ADNP2: variants seen among roughly 807,000 people sequenced by gnomAD.
ADNP2 encodes activity-dependent neuroprotector homeobox protein 2.
ADNP2 carries 8 observed loss-of-function variants against 16.4 expected under a neutral mutation model. That is an observed-to-expected ratio of 0.49 (90% CI 0.29 to 0.88). The LOEUF (loss-of-function observed/expected upper bound fraction) is 0.88. Ranked by LOEUF, ADNP2 falls within the 40% of genes least tolerant of loss-of-function variation. ADNP2 has a pLI of 0.09. For missense variants in ADNP2, 1,397 were observed against 1,395.1 expected (o/e 1.00, Z -0.02); for synonymous variants, 637 against 545.8 (o/e 1.17, Z -2.33).
rs376361164 is a variant in ADNP2 at position 80,136,747 on chromosome 18, C to T, written c.1334C>T (p.Pro445Leu). 1.2e-4 allele frequency: 201 copies of T among 1,613,510 alleles called. No individual in the cohort carries two copies. The highest frequency in any genetic ancestry group is 1.6e-4 in the Non-Finnish European group (184 of 1,179,812). ...PGVLSVSRAV[P>L]SGVLPAGQMT... ...GTGCTTTCTGTGAGTCGGGCGGTCC[C>T]GTCTGGAGTCCTTCCTGCAGGCCAG... The change falls in exon 4 of 4, where the codon CCG becomes CTG. Residue 445 changes from proline to leucine, a missense_variant. Around this residue, in one of 3 missense-constraint regions of ADNP2, gnomAD observed 777 missense variants for 719.4 expected, o/e 1.08. Transcript: ENST00000262198.
chr18:80,137,492 G>T lies in ADNP2; in HGVS notation c.2079G>T (p.Trp693Cys). The T allele has an allele frequency of 6.2e-7, 1 of 1,614,226 alleles. No homozygotes were observed. The highest frequency in any genetic ancestry group is 8.5e-7 in the Non-Finnish European group (1 of 1,180,050). The change falls in exon 4 of 4, where the codon TGG (tryptophan) becomes TGT (cysteine). Residue 693 changes from tryptophan (W) to cysteine (C), a missense_variant. Coordinates refer to ENST00000262198, the MANE Select transcript of ADNP2 (RefSeq NM_014913.4). The surrounding 1 kb of genome is among the most constrained non-coding windows in gnomAD (Gnocchi z 4.2). The stretch of plus-strand genomic sequence containing the variant: ...AGGTGCTCAAACAGGCCAAGCAGTG[G>T]AAGACCTGCCCTGTCTGCAACGAGC... ...TNQVLKQAKQWKTCPVCNELF... is the reference protein window; with the variant it reads ...TNQVLKQAKQCKTCPVCNELF...
Position 80,116,217 on chromosome 18 carries a change from C to A in ADNP2, c.-13-1313C>A, listed in dbSNP as rs147789990. Among the ~76,000 whole-genome samples the A allele has an allele frequency of 4.9e-3, 751 of 152,280 alleles. 5 individuals are homozygous for A. The highest frequency in any genetic ancestry group is 6.5e-3 in the Non-Finnish European group (443 of 68,014). ...TGTATGTATTTCATTTCTTTTATGGCCAAATAATCTATTGTATGGATATGT... is the reference window on the plus strand; with the variant it reads ...TGTATGTATTTCATTTCTTTTATGGACAAATAATCTATTGTATGGATATGT... On this transcript the variant is annotated intron_variant, in intron 1 of 3. Coordinates refer to ENST00000262198, the MANE Select transcript of ADNP2 (RefSeq NM_014913.4).
At chr18:80,134,121 TC>T (rs2145211832) in intron 3 of ADNP2, among the ~76,000 whole-genome samples, 1 of 152,334 alleles carries the variant, frequency 6.6e-6, no homozygotes, top group South Asian at 2.1e-4. Flanking sequence ...TTAGTTCTCC[TC>T]CACCTGAGCA....
chr18:80,130,660 C>G lies in ADNP2; in HGVS notation c.109-2443C>G, dbSNP rs11660413. On this transcript the variant is annotated intron_variant, in intron 2 of 3. Transcript: ENST00000262198. The stretch of plus-strand genomic sequence containing the variant: ...ATTTAAAACCCTCTGCCGCCCTGCA[C>G]TTCATCAGGATTCTGCCCCAGGCCT... Among the ~76,000 whole-genome samples, 1,297 of 152,282 alleles carry G rather than the reference C, an allele frequency of 8.5e-3. 12 individuals carry two copies. Among genetic ancestry groups the G allele is most frequent in the Admixed American group, 0.019 (291 of 15,292 alleles).
rs190788925 is a variant in ADNP2, at chr18:80,138,584, T to C, written c.3171T>C (p.Phe1057=). Residue 1057 remains phenylalanine, a synonymous_variant, in exon 4 of 4, where the codon TTT becomes TTC. Coordinates refer to ENST00000262198, the MANE Select transcript of ADNP2 (RefSeq NM_014913.4). ...EGRSYEEKKQ[F]LKDYFHKKPY... ...GTTCTTATGAAGAAAAGAAGCAATTTCTTAAAGATTATTTCCATAAGAAAC... is the reference window on the plus strand; with the variant it reads ...GTTCTTATGAAGAAAAGAAGCAATTCCTTAAAGATTATTTCCATAAGAAAC... 2 of 1,609,594 alleles carry C rather than the reference T, an allele frequency of 1.2e-6. No homozygotes were observed. Among genetic ancestry groups the C allele is most frequent in the East Asian group, 4.5e-5 (2 of 44,878 alleles).
chr18:80,123,387 T>C (rs1210742117), intron 2 of ADNP2, among the ~76,000 whole-genome samples: 3 of 152,124 alleles, frequency 2.0e-5, no homozygotes, highest in Non-Finnish European at 4.4e-5. Flanking sequence ...TTTTTGTTTT[T>C]TGAGAGGGAG....
At chr18:80,111,140 G>A (rs1009142110) in intron 1 of ADNP2, among the ~76,000 whole-genome samples, 1 of 152,142 alleles carries the variant, frequency 6.6e-6, no homozygotes. Context: ...GTGGAAACCG[G>A]TATCTCCCAG....
At position 80,136,582 on chromosome 18, in the gene ADNP2, T is replaced by C. The variant is rs768659001; in HGVS notation, c.1169T>C (p.Leu390Pro). ...PVNKSVGTSV[L>P]PINQTVRPGV... ...AATAAGTCTGTTGGAACTAGTGTCC[T>C]CCCCATAAATCAGACTGTTCGCCCT... Residue 390 changes from leucine to proline, a missense_variant, in exon 4 of 4, where the codon CTC becomes CCC. This residue lies in a region of ADNP2 where 777 missense variants were observed against 719.4 expected (regional missense o/e 1.08). Transcript: ENST00000262198. 6.2e-7 allele frequency: 1 copy of C among 1,614,190 alleles called. No individual in the cohort carries two copies. Among genetic ancestry groups the C allele is most frequent in the Admixed American group, 1.7e-5 (1 of 60,026 alleles).
Position 80,136,900 on chromosome 18 carries a change from G to T in ADNP2, c.1487G>T (p.Arg496Leu). Reference protein sequence around the residue: ...VLPVGQTAPSRVLPPGQTAPL... With the variant: ...VLPVGQTAPSLVLPPGQTAPL... ...CCTGTGGGCCAGACAGCTCCGTCACGGGTTCTTCCCCCAGGCCAGACAGCC... is the reference window on the plus strand; with the variant it reads ...CCTGTGGGCCAGACAGCTCCGTCACTGGTTCTTCCCCCAGGCCAGACAGCC... The change falls in exon 4 of 4, where the codon CGG becomes CTG. Residue 496 changes from arginine (R) to leucine (L), a missense_variant. Arg to Leu is a moderately radical substitution (Grantham distance 102). Around this residue, in one of 3 missense-constraint regions of ADNP2, gnomAD observed 777 missense variants for 719.4 expected, o/e 1.08. Coordinates refer to ENST00000262198, the MANE Select transcript of ADNP2 (RefSeq NM_014913.4). The T allele has an allele frequency of 1.2e-6, 2 of 1,614,114 alleles. No individual in the cohort carries two copies. The highest frequency in any genetic ancestry group is 8.5e-7 in the Non-Finnish European group (1 of 1,180,016).
Position 80,138,725 on chromosome 18 carries a change from T to A in ADNP2, c.3312T>A (p.Asn1104Lys). 6.2e-7 allele frequency: 1 copy of A among 1,608,300 alleles called. No individual in the cohort carries two copies. The stretch of plus-strand genomic sequence containing the variant: ...ATATTTGCATGAAAGCAATAAAAAA[T>A]CACAAGCCTTCTGTACTTTTAGGCT... The part of the protein sequence containing the change: ...RRYICMKAIK[N>K]HKPSVLLGFD... The change falls in exon 4 of 4, where the codon AAT (asparagine) becomes AAA (lysine). Residue 1104 changes from asparagine (N) to lysine (K), a missense_variant. Around this residue, in one of 3 missense-constraint regions of ADNP2, gnomAD observed 611 missense variants for 648.7 expected, o/e 0.94. Transcript: ENST00000262198.
rs2052561704 is a variant in ADNP2, at chr18:80,138,796, A to AATATG, written c.3385_3389dup (p.Glu1130AspfsTer13). The AATATG allele has an allele frequency of 1.3e-6, 2 of 1,534,370 alleles. No individual in the cohort carries two copies. The highest frequency in any genetic ancestry group is 2.9e-5 in the African/African-American group (2 of 68,504). The stretch of plus-strand genomic sequence containing the variant: ...AATGTGAAACATAGATTGAACTTTG[A>AATATG]ATATGAACCATAAAACTTGCAAAAA... On this transcript the variant is annotated frameshift_variant, in exon 4 of 4. Coordinates refer to ENST00000262198, the MANE Select transcript of ADNP2 (RefSeq NM_014913.4). LOFTEE classifies it high-confidence loss of function.
In ADNP2 at chr18:80,138,273, G is replaced by C; in HGVS notation, c.2860G>C (p.Gly954Arg). ...CAGCTCAGACCTGCAGGCCCAGCCG[G>C]GTTTTATTCACAACAGTGAACTGCT... ...DSSSDLQAQPGFIHNSELLLV... is the reference protein window; with the variant it reads ...DSSSDLQAQPRFIHNSELLLV... Residue 954 changes from glycine (G) to arginine (R), a missense_variant, in exon 4 of 4, where the codon GGT becomes CGT. Transcript: ENST00000262198. 1 of 1,614,120 alleles carries C rather than the reference G, an allele frequency of 6.2e-7. No individual in the cohort carries two copies. The highest frequency in any genetic ancestry group is 8.5e-7 in the Non-Finnish European group (1 of 1,180,044).
At position 80,132,820 on chromosome 18, in the gene ADNP2, A is replaced by G. The variant is rs536712899; in HGVS notation, c.109-283A>G. Among the ~76,000 whole-genome samples, 5 of 151,984 alleles carry G rather than the reference A, an allele frequency of 3.3e-5. No individual in the cohort carries two copies. The South Asian group carries it at 1.0e-3, about 32-fold the overall frequency. On this transcript the variant is annotated intron_variant, in intron 2 of 3. Coordinates refer to ENST00000262198, the MANE Select transcript of ADNP2 (RefSeq NM_014913.4). ...CTGCAACCTCCACCTCCCGGGTTCA[A>G]GCAATTCTCCTGCCTCAGCCTCCCG...
chr18:80,120,993 A>G (rs1599808823), intron 2 of ADNP2, among the ~76,000 whole-genome samples: 1 of 152,298 alleles, frequency 6.6e-6, no homozygotes. Flanking sequence ...TTGGGTGTAT[A>G]TACCTAGGAG....
rs773618434 is a variant in ADNP2 at position 80,117,617 on chromosome 18, T to C, written c.75T>C (p.Asp25=). ...AAAAGGTGAAAGGTATTCTTGTGGA[T>C]ATTGGGCTTGACAGCTGCAAGGAGT... is the stretch of plus-strand genomic sequence containing the variant. The part of the protein sequence containing the change: ...VRKKVKGILV[D]IGLDSCKELL... Residue 25 remains aspartate, a synonymous_variant, in exon 2 of 4, where the codon GAT becomes GAC. Coordinates refer to ENST00000262198, the MANE Select transcript of ADNP2 (RefSeq NM_014913.4). 2 of 1,609,008 alleles carry C rather than the reference T, an allele frequency of 1.2e-6. No homozygotes were observed. The highest frequency in any genetic ancestry group is 4.5e-5 in the East Asian group (2 of 44,644).
At chr18:80,113,479 T>A (rs2052370357) in intron 1 of ADNP2, among the ~76,000 whole-genome samples, 1 of 152,178 alleles carries the variant, frequency 6.6e-6, no homozygotes, top group Non-Finnish European at 1.5e-5. Flanking sequence ...AAATTCAGAC[T>A]TTTCCTTCTT....
intron 1 of ADNP2, among the ~76,000 whole-genome samples, chr18:80,116,483 A>G (rs12970258): frequency 6.6e-6 from 1 of 151,678 alleles, no homozygotes; most frequent in Non-Finnish European, 1.5e-5. Flanking sequence ...CTGCACTGGT[A>G]TACATTACTA....
At position 80,137,487 on chromosome 18, in the gene ADNP2, C is replaced by A; in HGVS notation, c.2074C>A (p.Gln692Lys). The A allele has an allele frequency of 6.2e-7, 1 of 1,614,200 alleles. No individual in the cohort carries two copies. Among genetic ancestry groups the A allele is most frequent in the Non-Finnish European group, 8.5e-7 (1 of 1,180,036 alleles). The change falls in exon 4 of 4, where the codon CAG becomes AAG. Residue 692 changes from glutamine (Q) to lysine (K), a missense_variant. By Grantham distance (53) the Gln-to-Lys change is moderately conservative (BLOSUM62 1). Around this residue, in one of 3 missense-constraint regions of ADNP2, gnomAD observed 611 missense variants for 648.7 expected, o/e 0.94. Transcript: ENST00000262198. This position sits in a 1 kb window ranked among gnomAD's most constrained non-coding sequence, Gnocchi z 4.2. The stretch of plus-strand genomic sequence containing the variant: ...AAACCAGGTGCTCAAACAGGCCAAG[C>A]AGTGGAAGACCTGCCCTGTCTGCAA... ...DTNQVLKQAKQWKTCPVCNEL... is the reference protein window; with the variant it reads ...DTNQVLKQAKKWKTCPVCNEL...
In ADNP2 at chr18:80,138,399, C is replaced by A; in HGVS notation, c.2986C>A (p.Gln996Lys). 1 of 1,614,034 alleles carries A rather than the reference C, an allele frequency of 6.2e-7. No homozygotes were observed. The highest frequency in any genetic ancestry group is 8.5e-7 in the Non-Finnish European group (1 of 1,180,020). ...CGAAGACCAGCGGCATGGGGAGGAG[C>A]AGCCTCCCATCCTAAATGCCGATGC... ...GAEDQRHGEE[Q>K]PPILNADAAP... The change falls in exon 4 of 4, where the codon CAG becomes AAG. Residue 996 changes from glutamine (Q) to lysine (K), a missense_variant. Transcript: ENST00000262198.
Sources: allele counts gnomAD v4.1 joint callset (sites outside exome capture counted in the v4.1 genomes callset), GRCh38; gene constraint gnomAD v4.1.1; regional missense constraint gnomAD v4.1.1; non-coding constraint Gnocchi (gnomAD v3.1); transcripts MANE v1.5; gene names NCBI Gene and HGNC (gene_info 2026-07-23, HGNC 2026-07-21).